SYNE1: variants seen among roughly 807,000 people sequenced by gnomAD.
The protein encoded by SYNE1 is nesprin-1.
Under a neutral mutation model 1,111.0 loss-of-function variants are expected in SYNE1, and 616 were observed. That is an observed-to-expected ratio of 0.55 (90% CI 0.52 to 0.59). The LOEUF (loss-of-function observed/expected upper bound fraction) is 0.59, where lower values mean the gene tolerates loss of function less well. Among genes scored for constraint, SYNE1 ranks in the 20% least tolerant of loss-of-function variants. The pLI is 0.00. For synonymous variants in SYNE1, 3,855 were observed against 3,825.8 expected (o/e 1.01, Z -0.28); for missense variants, 10,006 against 10,417.0 (o/e 0.96, Z 1.72).
chr6:152,256,181 G>A (rs2090773985), intron 102 of SYNE1, among the ~76,000 whole-genome samples: 1 of 152,136 alleles, frequency 6.6e-6, no homozygotes, highest in African/African-American at 2.4e-5. Flanking sequence ...AGCACTTTGG[G>A]AGGCTGAGGC....
At chr6:152,262,415 G>T (rs1281389180) in intron 100 of SYNE1, among the ~76,000 whole-genome samples, 2 of 152,126 alleles carry the variant, frequency 1.3e-5, no homozygotes, top group African/African-American at 4.8e-5. Context: ...AAAATGCATT[G>T]AATAAAAATA....
At chr6:152,377,608 TAAAAAAAAAAAAAA>T (rs869031827) in intron 56 of SYNE1, among the ~76,000 whole-genome samples, 5 of 31,358 alleles carry the variant, frequency 1.6e-4, no homozygotes, top group Admixed American at 6.0e-4. Context: ...AACTCCGTCT[TAAAAAAAAAAAAAA>T]AAAAAAAAAA....
At chr6:152,412,314 C>G (rs1030687031) in intron 42 of SYNE1, among the ~76,000 whole-genome samples, 1 of 151,780 alleles carries the variant, frequency 6.6e-6, no homozygotes, top group African/African-American at 2.4e-5. Context: ...ATCCCAGCTA[C>G]TCGGGAGGCT....
chr6:152,180,692 T>G (rs531803428), intron 128 of SYNE1, among the ~76,000 whole-genome samples: 39 of 148,378 alleles, frequency 2.6e-4, no homozygotes, highest in African/African-American at 9.7e-4. Context: ...AAAAAAGGAA[T>G]AGAAAGATGA....
intron 49 of SYNE1, among the ~76,000 whole-genome samples, 158 bp from the exon 50 acceptor site, chr6:152,397,138 T>C (rs2097745967): frequency 6.6e-6 from 1 of 152,194 alleles, no homozygotes; most frequent in Non-Finnish European, 1.5e-5. Context: ...CCAAGGCTCC[T>C]CATTGAGAAT....
At position 152,220,962 on chromosome 6, in the gene SYNE1, G is replaced by A. The variant is rs1269308421; in HGVS notation, c.21741C>T (p.Tyr7247=). 1 of 1,614,178 alleles carries A rather than the reference G, an allele frequency of 6.2e-7. No individual in the cohort carries two copies. Among genetic ancestry groups the A allele is most frequent in the South Asian group, 1.1e-5 (1 of 91,084 alleles). Residue 7247 remains tyrosine (Y), a synonymous_variant, in exon 119 of 146, where the codon TAC becomes TAT. Transcript: ENST00000367255. ...LLQLWQRYKD[Y]SKQCASTVQQ... Reference sequence around the variant, plus strand: ...GAACTGTCGAAGCACACTGTTTGGAGTAGTCCTTGTATCTTTGCCAAAGCT... The same window carrying A: ...GAACTGTCGAAGCACACTGTTTGGAATAGTCCTTGTATCTTTGCCAAAGCT...
chr6:152,373,947 G>A lies in SYNE1; in HGVS notation c.9325-728C>T, dbSNP rs146233039. Among the ~76,000 whole-genome samples, 327 of 152,296 alleles carry A rather than the reference G, an allele frequency of 2.1e-3. 1 individual carries two copies. Among genetic ancestry groups the A allele is most frequent in the African/African-American group, 7.0e-3 (289 of 41,560 alleles). On this transcript the variant is annotated intron_variant, in intron 58 of 145. Coordinates refer to ENST00000367255, the MANE Select transcript of SYNE1 (RefSeq NM_182961.4). ...GTAAACACAACCAGGGACAAGACTC[G>A]CAGAGCCTACTGGATAAAAACACAT...
intron 72 of SYNE1, among the ~76,000 whole-genome samples, chr6:152,349,310 C>A (rs534284458): frequency 1.6e-4 from 24 of 152,348 alleles, no homozygotes; most frequent in African/African-American, 5.0e-4. Context: ...AAGATAAGAA[C>A]TCCTCATATT....
intron 41 of SYNE1, among the ~76,000 whole-genome samples, chr6:152,414,667 C>T (rs1363188297): frequency 1.3e-5 from 2 of 152,072 alleles, no homozygotes; most frequent in East Asian, 1.9e-4. Flanking sequence ...TTTCTGCACC[C>T]GATGTGTGAC....
intron 98 of SYNE1, among the ~76,000 whole-genome samples, chr6:152,272,771 T>C (rs1033012068): frequency 6.6e-6 from 1 of 152,214 alleles, no homozygotes; most frequent in African/African-American, 2.4e-5. Flanking sequence ...CTTAGGAAGG[T>C]ATTCCAACCC....
chr6:152,130,887 C>G (rs1420218083), intron 144 of SYNE1, 109 bp from the exon 145 acceptor site: 1 of 1,138,668 alleles, frequency 8.8e-7, no homozygotes, highest in Non-Finnish European at 1.3e-6. Context: ...AAAAATAAAT[C>G]AAATGAAATG....
At chr6:152,328,566 C>T (rs920150293) in intron 78 of SYNE1, among the ~76,000 whole-genome samples, 7 of 148,768 alleles carry the variant, frequency 4.7e-5, no homozygotes, top group Middle Eastern at 3.4e-3. Context: ...CCACCAAACC[C>T]AGCTAATTTT....
chr6:152,552,549 T>C (rs2099350916), intron 3 of SYNE1, among the ~76,000 whole-genome samples: 2 of 151,940 alleles, frequency 1.3e-5, no homozygotes, highest in South Asian at 4.1e-4. Context: ...ACCTGTCCCC[T>C]TGACAAGACG....
Position 152,143,680 on chromosome 6 carries a change from A to ATT in SYNE1, c.25060_25061dup (p.Asn8354LysfsTer14). 1 of 1,614,032 alleles carries ATT rather than the reference A, an allele frequency of 6.2e-7. No individual in the cohort carries two copies. ...CCGTGGGAGTTTTGCTGCGAATGATATTTTCGGTTTGCTGTATCTGAAAAC... is the reference window on the plus strand; with the variant it reads ...CCGTGGGAGTTTTGCTGCGAATGATATTTTTTCGGTTTGCTGTATCTGAAAAC... On this transcript the variant is annotated frameshift_variant, in exon 138 of 146. Coordinates refer to ENST00000367255, the MANE Select transcript of SYNE1 (RefSeq NM_182961.4). LOFTEE classifies it high-confidence loss of function.
intron 13 of SYNE1, 99 bp from the exon 14 acceptor site, chr6:152,483,348 TTA>T: frequency 1.9e-6 from 2 of 1,032,676 alleles, no homozygotes; most frequent in Non-Finnish European, 3.0e-6. Flanking sequence ...AAGCTTTAAG[TTA>T]ATGATTTCAG....
rs780228157 is a variant in SYNE1 at position 152,249,560 on chromosome 6, ACAGT to A, written c.19471-302_19471-299del. 3.3e-5 allele frequency among the ~76,000 whole-genome samples: 5 copies of A among 152,344 alleles called. No individual in the cohort carries two copies. The South Asian group carries it at 6.2e-4, about 19-fold the overall frequency. On this transcript the variant is annotated intron_variant, in intron 104 of 145. Coordinates refer to ENST00000367255, the MANE Select transcript of SYNE1 (RefSeq NM_182961.4). ...CTCATTACATCCGAAATAAATGAGC[ACAGT>A]CAAACATTGCACAGAAATATTATAT...
chr6:152,431,661 T>G (rs2098430432), intron 34 of SYNE1, among the ~76,000 whole-genome samples: 1 of 152,160 alleles, frequency 6.6e-6, no homozygotes, highest in South Asian at 2.1e-4. Context: ...TCAGATTATT[T>G]AAATGGAAAA....
chr6:152,352,252 C>A lies in SYNE1; in HGVS notation c.11355G>T (p.Arg3785Ser). 1 of 1,614,156 alleles carries A rather than the reference C, an allele frequency of 6.2e-7. No homozygotes were observed. The highest frequency in any genetic ancestry group is 8.5e-7 in the Non-Finnish European group (1 of 1,180,004). The change falls in exon 70 of 146, where the codon AGG becomes AGT. Residue 3785 changes from arginine to serine, a missense_variant. Coordinates refer to ENST00000367255, the MANE Select transcript of SYNE1 (RefSeq NM_182961.4). The part of the protein sequence containing the change: ...VKYLEEGEAE[R>S]LRKEIHDHME... ...TGTGATCATGAATCTCCTTTCTTAA[C>A]CTCTCTGCCTCGCCTTCCTCCAAGT...
intron 19 of SYNE1, among the ~76,000 whole-genome samples, 186 bp from the exon 20 acceptor site, chr6:152,463,076 T>C (rs2098743690): frequency 6.6e-6 from 1 of 152,276 alleles, no homozygotes; most frequent in African/African-American, 2.4e-5. Flanking sequence ...GAAACTAGCA[T>C]GAAAATGAAG....
Sources: gnomAD v4.1 joint callset for allele counts (sites outside exome capture counted in the v4.1 genomes callset) on GRCh38, gnomAD v4.1.1 for gene constraint, MANE v1.5 for transcripts, NCBI Gene and HGNC (gene_info 2026-07-23, HGNC 2026-07-21) for gene names.